The following CDH13 variants were observed in gnomAD, a reference collection of about 807,000 sequenced individuals.
CDH13 encodes the protein cadherin-13.
CDH13 carries 24 observed loss-of-function variants against 63.8 expected under a neutral mutation model. The observed-to-expected ratio is 0.38, with a 90% CI of 0.27 to 0.53. CDH13 has a LOEUF of 0.53. Among genes scored for constraint, CDH13 ranks in the 20% least tolerant of loss-of-function variants. The probability of loss-of-function intolerance (pLI) is 0.85; values close to 1 mark genes in which losing one functional copy is unlikely to be tolerated. For synonymous variants in CDH13, 503 were observed against 355.3 expected (o/e 1.42, Z -4.67); for missense variants, 1,049 against 903.1 (o/e 1.16, Z -2.07).
chr16:83,363,138 C>G (rs935638483), intron 6 of CDH13, among the ~76,000 whole-genome samples: 1 of 152,184 alleles, frequency 6.6e-6, no homozygotes, highest in African/African-American at 2.4e-5. Context: ...AAGTATCAAT[C>G]AGAGATGCAT....
At chr16:82,682,843 C>T (rs1023940436) in intron 1 of CDH13, among the ~76,000 whole-genome samples, 1 of 152,200 alleles carries the variant, frequency 6.6e-6, no homozygotes, top group African/African-American at 2.4e-5. Context: ...ACCCTGAGGA[C>T]TGGTGCTTCC....
chr16:83,403,114 G>C (rs1047820973), intron 6 of CDH13, among the ~76,000 whole-genome samples: 1 of 152,104 alleles, frequency 6.6e-6, no homozygotes, highest in Non-Finnish European at 1.5e-5. Flanking sequence ...TCATGGCGCA[G>C]GTTAGCCCCA....
intron 2 of CDH13, among the ~76,000 whole-genome samples, chr16:82,970,395 T>TCCTTA (rs1231435677): frequency 8.6e-5 from 9 of 104,548 alleles, no homozygotes; most frequent in Non-Finnish European, 1.1e-4. Flanking sequence ...TTTTTTTTTT[T>TCCTTA]TTTTTTTTTT....
chr16:83,229,145 C>T (rs2039931838), intron 5 of CDH13, among the ~76,000 whole-genome samples: 1 of 152,092 alleles, frequency 6.6e-6, no homozygotes, highest in Non-Finnish European at 1.5e-5. Flanking sequence ...AGAGGGTTCT[C>T]AGGAAGGGAG....
intron 2 of CDH13, among the ~76,000 whole-genome samples, chr16:82,948,865 C>A (rs1905010836): frequency 6.6e-6 from 1 of 152,130 alleles, no homozygotes; most frequent in South Asian, 2.1e-4. Context: ...ATTTACTGAA[C>A]ACATTTTAAT....
intron 1 of CDH13, among the ~76,000 whole-genome samples, chr16:82,819,614 C>T (rs554728556): frequency 6.6e-6 from 1 of 152,164 alleles, no homozygotes; most frequent in Non-Finnish European, 1.5e-5. Context: ...AATTAAGACA[C>T]CTGCATGAAA....
At chr16:83,546,212 G>C (rs1467866146) in intron 7 of CDH13, among the ~76,000 whole-genome samples, 4 of 151,810 alleles carry the variant, frequency 2.6e-5, no homozygotes, top group African/African-American at 9.7e-5. Flanking sequence ...GGGACGTCTT[G>C]GTAGATACCT....
chr16:83,466,604 C>A (rs1319434797), intron 6 of CDH13, among the ~76,000 whole-genome samples: 2 of 152,216 alleles, frequency 1.3e-5, no homozygotes, highest in East Asian at 3.8e-4. Flanking sequence ...AAACTCAGGG[C>A]CTCAATGTGT....
intron 6 of CDH13, among the ~76,000 whole-genome samples, chr16:83,349,843 CGCCCACCTTG>C (rs2090914763): frequency 1.3e-5 from 2 of 152,040 alleles, no homozygotes; most frequent in South Asian, 4.1e-4. Flanking sequence ...TCAGGTTATC[CGCCCACCTTG>C]GCCTCCCAAA....
intron 3 of CDH13, among the ~76,000 whole-genome samples, chr16:83,102,583 G>A (rs978127167): frequency 6.6e-6 from 1 of 152,162 alleles, no homozygotes; most frequent in Admixed American, 6.5e-5. Context: ...GATCGCACTG[G>A]AAGCTACGAA....
At chr16:82,951,162 C>T (rs946186396) in intron 2 of CDH13, among the ~76,000 whole-genome samples, 1 of 152,032 alleles carries the variant, frequency 6.6e-6, no homozygotes, top group Non-Finnish European at 1.5e-5. Flanking sequence ...TGCTTGTGTA[C>T]ATGTGTGAGG....
rs568086334 is a variant in CDH13, at chr16:83,627,817, A to G, written c.1101+25223A>G. ...GAAAGCAAGTTTTTTGGGAAAATCA[A>G]TGAATACAAGTATGGCTACACCATA... On this transcript the variant is annotated intron_variant, in intron 8 of 13. Coordinates refer to ENST00000567109, the MANE Select transcript of CDH13 (RefSeq NM_001257.5). 2.6e-4 allele frequency among the ~76,000 whole-genome samples: 39 copies of G among 152,350 alleles called. No individual in the cohort carries two copies. The South Asian group carries it at 3.9e-3, about 15-fold the overall frequency.
intron 8 of CDH13, among the ~76,000 whole-genome samples, chr16:83,613,234 T>C (rs986432271): frequency 6.6e-6 from 1 of 152,238 alleles, no homozygotes; most frequent in Non-Finnish European, 1.5e-5. Flanking sequence ...TCTTTGTCTT[T>C]ACTTTTCAGC....
chr16:82,654,720 G>T (rs1360251837), intron 1 of CDH13, among the ~76,000 whole-genome samples: 2 of 144,698 alleles, frequency 1.4e-5, no homozygotes, highest in East Asian at 4.0e-4. Flanking sequence ...AAGGAACCAT[G>T]GATTTAAATA....
At chr16:82,642,151 A>G (rs1373690998) in intron 1 of CDH13, among the ~76,000 whole-genome samples, 1 of 149,182 alleles carries the variant, frequency 6.7e-6, no homozygotes, top group African/African-American at 2.5e-5. Flanking sequence ...GTCGGGGCCC[A>G]CTGCAGCCTA....
rs190080630 is a variant in CDH13 at position 82,650,810 on chromosome 16, C to G, written c.45+23673C>G. Among the ~76,000 whole-genome samples, 41 of 152,326 alleles carry G rather than the reference C, an allele frequency of 2.7e-4. No individual in the cohort carries two copies. The East Asian group carries it at 6.9e-3, about 26-fold the overall frequency. On this transcript the variant is annotated intron_variant, in intron 1 of 13. Coordinates refer to ENST00000567109, the MANE Select transcript of CDH13 (RefSeq NM_001257.5). ...GATTGATTTTGCATAGTGTAGAAATCAATCCGGTGAACCTGGCAGCATAGG... is the reference window on the plus strand; with the variant it reads ...GATTGATTTTGCATAGTGTAGAAATGAATCCGGTGAACCTGGCAGCATAGG...
At chr16:83,585,869 C>A (rs1906106629) in intron 7 of CDH13, among the ~76,000 whole-genome samples, 2 of 152,112 alleles carry the variant, frequency 1.3e-5, no homozygotes, top group African/African-American at 4.8e-5. Flanking sequence ...AAGAATAGTA[C>A]TGTGTATGCC....
At chr16:83,778,085 T>C (rs1196570811) in intron 11 of CDH13, among the ~76,000 whole-genome samples, 1 of 152,228 alleles carries the variant, frequency 6.6e-6, no homozygotes, top group Non-Finnish European at 1.5e-5. Context: ...ACCTATGAAT[T>C]TGGCTCTAAC....
chr16:82,868,314 T>G (rs1279833717), intron 2 of CDH13, among the ~76,000 whole-genome samples: 1 of 152,196 alleles, frequency 6.6e-6, no homozygotes, highest in Non-Finnish European at 1.5e-5. Flanking sequence ...AATGTTATGC[T>G]TTCACAGGTT....
Sources: allele counts gnomAD v4.1 joint callset (sites outside exome capture counted in the v4.1 genomes callset), GRCh38; gene constraint gnomAD v4.1.1; transcripts MANE v1.5; gene names NCBI Gene and HGNC (gene_info 2026-07-23, HGNC 2026-07-21).